Variants in CRPPA observed in about 807,000 individuals in gnomAD.
CRPPA encodes the protein CDP-L-ribitol pyrophosphorylase A.
Under a neutral mutation model 52.0 loss-of-function variants are expected in CRPPA, and 43 were observed. The observed-to-expected ratio is 0.83, with a 90% CI of 0.65 to 1.07. The LOEUF is 1.07. Among genes scored for constraint, CRPPA ranks in the 50% least tolerant of loss-of-function variants. The pLI, the probability that CRPPA is intolerant of heterozygous loss-of-function variation, is 0.00. For synonymous variants in CRPPA, 250 were observed against 203.5 expected, an observed-to-expected ratio of 1.23 and a Z score of -1.94; for missense variants, 629 against 551.7, an observed-to-expected ratio of 1.14 and a Z score of -1.40.
At chr7:16,312,141 T>C (rs924060663) in intron 3 of CRPPA, among the ~76,000 whole-genome samples, 4 of 152,052 alleles carry the variant, frequency 2.6e-5, no homozygotes, top group African/African-American at 9.7e-5. Flanking sequence ...AGAATAAGTT[T>C]GTCAATACTC....
chr7:16,273,315 T>C (rs1784130253), intron 6 of CRPPA, among the ~76,000 whole-genome samples: 2 of 151,730 alleles, frequency 1.3e-5, no homozygotes, highest in South Asian at 4.2e-4. Flanking sequence ...CTGCCTCCCA[T>C]CTTGTACCCA....
intron 9 of CRPPA, among the ~76,000 whole-genome samples, chr7:16,098,067 G>A (rs900181067): frequency 6.6e-6 from 1 of 152,014 alleles, no homozygotes; most frequent in Non-Finnish European, 1.5e-5. Context: ...TCCCATAATT[G>A]AACTACACAC....
intron 9 of CRPPA, among the ~76,000 whole-genome samples, chr7:16,194,182 G>A (rs1781676407): frequency 6.6e-6 from 1 of 152,040 alleles, no homozygotes; most frequent in Non-Finnish European, 1.5e-5. Context: ...CCTAATCTAG[G>A]CCTTTTAGTC....
chr7:16,301,985 A>C (rs1035088407), intron 4 of CRPPA, among the ~76,000 whole-genome samples: 5 of 152,166 alleles, frequency 3.3e-5, no homozygotes, highest in Non-Finnish European at 7.4e-5. Flanking sequence ...CTAAAATAGA[A>C]AGAGCCTATA....
chr7:16,158,468 T>C (rs964761198), intron 9 of CRPPA, among the ~76,000 whole-genome samples: 1 of 152,058 alleles, frequency 6.6e-6, no homozygotes, highest in African/African-American at 2.4e-5. Context: ...CTCAAGATAT[T>C]AGAAAATATT....
At chr7:16,192,372 G>A (rs1012246074) in intron 9 of CRPPA, among the ~76,000 whole-genome samples, 1 of 152,092 alleles carries the variant, frequency 6.6e-6, no homozygotes, top group South Asian at 2.1e-4. Context: ...TGGCTGCTTA[G>A]AGATGCACAG....
At chr7:16,195,631 C>G (rs370519523) in intron 9 of CRPPA, among the ~76,000 whole-genome samples, 2 of 152,228 alleles carry the variant, frequency 1.3e-5, no homozygotes, top group East Asian at 3.9e-4. Flanking sequence ...ACCTTCCTCC[C>G]CATCTCTGGG....
intron 9 of CRPPA, among the ~76,000 whole-genome samples, chr7:16,143,007 A>T (rs1782903370): frequency 6.6e-6 from 1 of 152,228 alleles, no homozygotes; most frequent in Non-Finnish European, 1.5e-5. Flanking sequence ...CTGTATTCAA[A>T]GCTCACAGTT....
At chr7:16,308,740 C>T in intron 3 of CRPPA, 113 bp from the exon 4 acceptor site, 1 of 666,692 alleles carries the variant, frequency 1.5e-6, no homozygotes, top group Non-Finnish European at 2.7e-6. Flanking sequence ...GGGGCTCAAA[C>T]TATTTAATCA....
chr7:16,244,186 A>T (rs1265019505), intron 8 of CRPPA, among the ~76,000 whole-genome samples: 1 of 151,696 alleles, frequency 6.6e-6, no homozygotes, highest in Non-Finnish European at 1.5e-5. Context: ...CTGTAAGTGG[A>T]TCTTAGAATA....
At chr7:16,162,541 ATTGT>A (rs2128382373) in intron 9 of CRPPA, among the ~76,000 whole-genome samples, 1 of 152,120 alleles carries the variant, frequency 6.6e-6, no homozygotes, top group South Asian at 2.1e-4. Context: ...GGTCTGAGAG[ATTGT>A]TTGTTATGAT....
intron 3 of CRPPA, among the ~76,000 whole-genome samples, chr7:16,317,125 A>G (rs575312278): frequency 9.8e-4 from 150 of 152,304 alleles, no homozygotes; most frequent in African/African-American, 3.5e-3. Context: ...ATGAGGCACC[A>G]TTACCAATTG....
intron 3 of CRPPA, among the ~76,000 whole-genome samples, chr7:16,324,969 T>G (rs1290767033): frequency 1.3e-5 from 2 of 152,228 alleles, no homozygotes; most frequent in Non-Finnish European, 2.9e-5. Context: ...TGGTGCAGCC[T>G]TGTTTCTTGT....
intron 6 of CRPPA, among the ~76,000 whole-genome samples, chr7:16,260,341 A>C (rs1783762374): frequency 6.6e-6 from 1 of 151,988 alleles, no homozygotes; most frequent in African/African-American, 2.4e-5. Context: ...GGCATTCCAG[A>C]GTTATCTCTT....
chr7:16,138,680 A>G (rs1364672385), intron 9 of CRPPA, among the ~76,000 whole-genome samples: 1 of 152,222 alleles, frequency 6.6e-6, no homozygotes, highest in East Asian at 1.9e-4. Flanking sequence ...ATTAAAGAAT[A>G]GTGTAATTTT....
chr7:16,398,674 G>T (rs546838291), intron 2 of CRPPA, among the ~76,000 whole-genome samples: 1 of 152,098 alleles, frequency 6.6e-6, no homozygotes, highest in Non-Finnish European at 1.5e-5. Flanking sequence ...TTTGTGACAC[G>T]TGACATGTGA....
intron 5 of CRPPA, among the ~76,000 whole-genome samples, chr7:16,286,677 T>G (rs369196373): frequency 6.6e-6 from 1 of 152,232 alleles, no homozygotes; most frequent in Non-Finnish European, 1.5e-5. Context: ...TGTATGTGAG[T>G]TGGCTAGGAA....
chr7:16,271,458 C>A (rs1562599589), intron 6 of CRPPA, among the ~76,000 whole-genome samples: 1 of 152,048 alleles, frequency 6.6e-6, no homozygotes, highest in South Asian at 2.1e-4. Flanking sequence ...ATAGTAGCAA[C>A]GGTAACAGTA....
At chr7:16,420,497 T>C (rs1467762215) in intron 1 of CRPPA, among the ~76,000 whole-genome samples, 1 of 152,156 alleles carries the variant, frequency 6.6e-6, no homozygotes, top group African/African-American at 2.4e-5. Flanking sequence ...CTTTCTAAGA[T>C]AAAGGGGGTA....
Sources: gnomAD v4.1 joint callset for allele counts (sites outside exome capture counted in the v4.1 genomes callset) on GRCh38, gnomAD v4.1.1 for gene constraint, MANE v1.5 for transcripts, NCBI Gene and HGNC (gene_info 2026-07-23, HGNC 2026-07-21) for gene names.